SEMA6C: variants seen among roughly 807,000 people sequenced by gnomAD.
The protein encoded by SEMA6C is semaphorin 6C.
In SEMA6C, 37 loss-of-function variants were observed where a neutral mutation model predicts 72.9. The observed-to-expected ratio is 0.51, with a 90% CI of 0.39 to 0.67. The LOEUF is 0.67. SEMA6C is among the 30% of genes least tolerant of loss of function. The pLI is 0.00. For missense variants in SEMA6C, 1,189 were observed against 1,263.6 expected (o/e 0.94, Z 0.89); for synonymous variants, 578 against 554.1 (o/e 1.04, Z -0.61).
rs781715519 is a variant in SEMA6C, at chr1:151,140,020, A to G, written c.189T>C (p.Phe63=). 1.7e-5 allele frequency: 28 copies of G among 1,614,184 alleles called. No homozygotes were observed. The highest frequency in any genetic ancestry group is 2.3e-5 in the Non-Finnish European group (27 of 1,180,048). ...TCCGGTTCAAGGTCAGGAATCTCTG[A>G]AAGTCCAGCCCAAGTTCTGCAGCCA... ...DAVAAELGLD[F]QRFLTLNRTL... Residue 63 remains phenylalanine (F), a synonymous_variant, in exon 4 of 19, where the codon TTT becomes TTC. Coordinates refer to ENST00000368914, the MANE Select transcript of SEMA6C (RefSeq NM_030913.6).
intron 6 of SEMA6C, 64 bp downstream of exon 6, chr1:151,139,361 T>G: frequency 7.1e-7 from 1 of 1,399,860 alleles, no homozygotes; most frequent in Admixed American, 1.7e-5. Context: ...AGAGGACCAG[T>G]TGGACAGAGA....
At chr1:151,143,886 TA>T (rs1682751366) in intron 2 of SEMA6C, among the ~76,000 whole-genome samples, 1 of 152,136 alleles carries the variant, frequency 6.6e-6, no homozygotes, top group South Asian at 2.1e-4. Flanking sequence ...CCGTGTCCCC[TA>T]AAACAGACCC....
intron 12 of SEMA6C, 100 bp downstream of exon 12, chr1:151,136,348 A>G (rs1049691097): frequency 2.0e-6 from 3 of 1,527,500 alleles, no homozygotes; most frequent in Non-Finnish European, 2.7e-6. Context: ...ATAGCTCCCC[A>G]CCCTGAGGCC....
chr1:151,132,219 G>A lies in SEMA6C; in HGVS notation c.*265C>T, dbSNP rs1681588720. 2 of 1,496,478 alleles carry A rather than the reference G, an allele frequency of 1.3e-6. No individual in the cohort carries two copies. The highest frequency in any genetic ancestry group is 2.6e-5 in the East Asian group (1 of 37,880). The allele number at this position is 1,496,478 out of a possible 1,614,324, so 92.7% of individuals were successfully genotyped here. ...GAGTTAAGGCAGCTTGGCTGGAAGG[G>A]AGCGGGGAGTGGGAGTCCGCCAGCT... On this transcript the variant is annotated 3_prime_UTR_variant, in exon 19 of 19. Coordinates refer to ENST00000368914, the MANE Select transcript of SEMA6C (RefSeq NM_030913.6).
rs146782110 is a variant in SEMA6C, at chr1:151,134,664, T to G, written c.1670A>C (p.Asp557Ala). 532 of 1,614,144 alleles carry G rather than the reference T, an allele frequency of 3.3e-4. 2 individuals are homozygous for G. In the East Asian group the frequency reaches 9.0e-3, roughly 27 times the overall value. Residue 557 changes from aspartate to alanine, a missense_variant, in exon 17 of 19, where the codon GAT (aspartate) becomes GCT (alanine). Asp to Ala is a moderately radical substitution (Grantham distance 126). Transcript: ENST00000368914. ...CATGGATTCCTGGTTCCCAGCCTGA[T>G]CCACATCAGTCCTAGGAGGAAAACG... is the stretch of plus-strand genomic sequence containing the variant. ...DIRGSGGTDV[D>A]QAGNQESMEH... is the part of the protein sequence containing the mutation.
Position 151,137,035 on chromosome 1 carries a change from T to C in SEMA6C, c.796A>G (p.Met266Val), listed in dbSNP as rs587684088. 4 of 1,613,932 alleles carry C rather than the reference T, an allele frequency of 2.5e-6. No individual in the cohort carries two copies. The highest frequency in any genetic ancestry group is 1.3e-5 in the African/African-American group (1 of 75,028). The change falls in exon 11 of 19, where the codon ATG becomes GTG. Residue 266 changes from methionine to valine, a missense_variant. This residue lies in a region of SEMA6C where 468 missense variants were observed against 577.4 expected (regional missense o/e 0.81). Transcript: ENST00000368914. Reference sequence around the variant, plus strand: ...TCCAAGGCCCGAGGCGAGCCGCCCATGTCACGTTTACATACTCGGGCTACG... The same window carrying C: ...TCCAAGGCCCGAGGCGAGCCGCCCACGTCACGTTTACATACTCGGGCTACG... ...SRVARVCKRD[M>V]GGSPRALDRH...
intron 6 of SEMA6C, 93 bp from the exon 7 acceptor site, chr1:151,138,824 G>T: frequency 1.0e-6 from 1 of 999,094 alleles, no homozygotes. Flanking sequence ...CGGGCGTGGT[G>T]GCTCACGCCT....
In SEMA6C at chr1:151,132,859, G is replaced by A; in HGVS notation, c.2418C>T (p.Gly806=). The A allele has an allele frequency of 7.8e-7, 1 of 1,279,742 alleles. No homozygotes were observed. Among genetic ancestry groups the A allele is most frequent in the Non-Finnish European group, 9.9e-7 (1 of 1,013,712 alleles). The allele number at this position is 1,279,742 out of a possible 1,614,324, so 79.3% of individuals were successfully genotyped here. ...PPEPAPALLG[G]PSPRPHECAS... is the part of the protein sequence containing the mutation. ...CGCACTCGTGGGGCCTGGGGCTGGG[G>A]CCGCCCAAGAGGGCGGGGGCGGGCT... Residue 806 remains glycine (G), a synonymous_variant, in exon 19 of 19, where the codon GGC becomes GGT. Transcript: ENST00000368914.
At position 151,136,633 on chromosome 1, in the gene SEMA6C, C is replaced by A. The variant is rs1038930827; in HGVS notation, c.975-54G>T. On this transcript the variant is annotated intron_variant, in intron 11 of 18. Coordinates refer to ENST00000368914, the MANE Select transcript of SEMA6C (RefSeq NM_030913.6). The stretch of plus-strand genomic sequence containing the variant: ...GGTGCTGAAAGGAACTGCACAACTT[C>A]CCCCAGGAAGAAGTGGTGGCACCCT... The A allele has an allele frequency of 8.1e-6, 13 of 1,604,514 alleles. No homozygotes were observed. In the African/African-American group the frequency reaches 1.5e-4, roughly 18 times the overall value.
rs1368159117 is a variant in SEMA6C at position 151,137,401 on chromosome 1, G to A, written c.756+310C>T. ...GCGGAGCTTGCAGTGAGCCAAGATG[G>A]CGCCACTGCACTCCAGCCTGGGCGA... is the stretch of plus-strand genomic sequence containing the variant. On this transcript the variant is annotated intron_variant, in intron 10 of 18. Transcript: ENST00000368914. 1.6e-4 allele frequency among the ~76,000 whole-genome samples: 22 copies of A among 141,258 alleles called. No homozygotes were observed. The Admixed American group carries it at 1.7e-3, about 11-fold the overall frequency. 92.7% of individuals were successfully genotyped at this position (141,258 alleles called of 152,430 possible).
At position 151,138,647 on chromosome 1, in the gene SEMA6C, C is replaced by G. The variant is rs746604720; in HGVS notation, c.439G>C (p.Val147Leu). 1 of 1,614,114 alleles carries G rather than the reference C, an allele frequency of 6.2e-7. No homozygotes were observed. The highest frequency in any genetic ancestry group is 2.2e-5 in the East Asian group (1 of 44,880). Reference protein sequence around the residue: ...LACGTNSFSPVCRSYGITSLQ... With the variant: ...LACGTNSFSPLCRSYGITSLQ... ...TTTTGTACCCCATAGCTGCGGCACACAGGGCTGAATGAGTTCGTTCCACAG... is the reference window on the plus strand; with the variant it reads ...TTTTGTACCCCATAGCTGCGGCACAGAGGGCTGAATGAGTTCGTTCCACAG... The change falls in exon 7 of 19, where the codon GTG becomes CTG. Residue 147 changes from valine to leucine, a missense_variant. Val to Leu is a conservative substitution (Grantham distance 32). Coordinates refer to ENST00000368914, the MANE Select transcript of SEMA6C (RefSeq NM_030913.6).
At position 151,132,927 on chromosome 1, in the gene SEMA6C, C is replaced by T; in HGVS notation, c.2350G>A (p.Ala784Thr). 2.9e-6 allele frequency: 4 copies of T among 1,393,200 alleles called. No homozygotes were observed. Among genetic ancestry groups the T allele is most frequent in the Non-Finnish European group, 3.7e-6 (4 of 1,072,568 alleles). The allele number at this position is 1,393,200 out of a possible 1,614,324, so 86.3% of individuals were successfully genotyped here. Residue 784 changes from alanine to threonine, a missense_variant, in exon 19 of 19, where the codon GCC becomes ACC. By Grantham distance (58) the Ala-to-Thr change is moderately conservative (BLOSUM62 0). Coordinates refer to ENST00000368914, the MANE Select transcript of SEMA6C (RefSeq NM_030913.6). ...LHGPQPPRKGAEPPAPLTSRA... is the reference protein window; with the variant it reads ...LHGPQPPRKGTEPPAPLTSRA... ...GAGGTTAAAGGGGCGGGGGGCTCGGCCCCCTTTCTGGGCGGCTGCGGGCCG... is the reference window on the plus strand; with the variant it reads ...GAGGTTAAAGGGGCGGGGGGCTCGGTCCCCTTTCTGGGCGGCTGCGGGCCG...
chr1:151,139,509 T>A lies in SEMA6C; in HGVS notation c.298-28A>T, dbSNP rs772138905. ...GAAGGGATAAGTTGAAGAGGGAAAA[T>A]CATGGGCAACTGGGTTCCCTCCTCA... On this transcript the variant is annotated intron_variant, in intron 5 of 18. Transcript: ENST00000368914. The A allele has an allele frequency of 5.0e-6, 8 of 1,610,822 alleles. No homozygotes were observed. The South Asian group carries it at 8.8e-5, about 18-fold the overall frequency.
Position 151,145,220 on chromosome 1 carries a change from T to C in SEMA6C, c.-104-786A>G, listed in dbSNP as rs1682845855. On this transcript the variant is annotated intron_variant, in intron 1 of 18. Transcript: ENST00000368914. The surrounding 1 kb of genome is among the most constrained non-coding windows in gnomAD (Gnocchi z 4.4). The stretch of plus-strand genomic sequence containing the variant: ...GTTGCTGGGAAGAGGAAACAGCCCT[T>C]CTCTCTCCTGGCCCCGAAGCCACCT... 1 of 152,262 alleles carries C rather than the reference T, an allele frequency of 6.6e-6. No homozygotes were observed. Among genetic ancestry groups the C allele is most frequent in the Non-Finnish European group, 1.5e-5 (1 of 68,144 alleles). 9.4% of individuals were successfully genotyped at this position (152,262 alleles called of 1,614,324 possible).
chr1:151,139,604 C>G, intron 5 of SEMA6C, 34 bp downstream of exon 5: 1 of 1,607,082 alleles, frequency 6.2e-7, no homozygotes, highest in Non-Finnish European at 8.5e-7. Context: ...AGCCTCATCT[C>G]CACGTCTGCA....
chr1:151,132,922 C>G lies in SEMA6C; in HGVS notation c.2355G>C (p.Glu785Asp). ...CCCGCGAGGTTAAAGGGGCGGGGGG[C>G]TCGGCCCCCTTTCTGGGCGGCTGCG... ...HGPQPPRKGA[E>D]PPAPLTSRAL... is the part of the protein sequence containing the mutation. Residue 785 changes from glutamate (E) to aspartate (D), a missense_variant, in exon 19 of 19, where the codon GAG (glutamate) becomes GAC (aspartate). This residue lies in a region of SEMA6C where 721 missense variants were observed against 686.2 expected (regional missense o/e 1.05). Transcript: ENST00000368914. 1 of 1,388,904 alleles carries G rather than the reference C, an allele frequency of 7.2e-7. No individual in the cohort carries two copies. The highest frequency in any genetic ancestry group is 9.3e-7 in the Non-Finnish European group (1 of 1,070,638). The allele number at this position is 1,388,904 out of a possible 1,614,324, so 86.0% of individuals were successfully genotyped here. A position where few individuals can be genotyped will look rare whatever the true frequency, so the allele number is the denominator to read the frequency against.
intron 2 of SEMA6C, among the ~76,000 whole-genome samples, chr1:151,143,878 G>A (rs1231710293): frequency 1.3e-5 from 2 of 151,980 alleles, no homozygotes; most frequent in Non-Finnish European, 2.9e-5. Flanking sequence ...CCATCCCACC[G>A]TGTCCCCTAA....
At chr1:151,141,702 G>A (rs1266901118) in intron 3 of SEMA6C, among the ~76,000 whole-genome samples, 2 of 144,766 alleles carry the variant, frequency 1.4e-5, no homozygotes, top group Admixed American at 7.1e-5. Context: ...TAAAGCCACC[G>A]TGCCCAGCTG....
At position 151,132,972 on chromosome 1, in the gene SEMA6C, C is replaced by T; in HGVS notation, c.2305G>A (p.Glu769Lys). The part of the protein sequence containing the change: ...GQAVEVTTLE[E>K]LLRYLHGPQP... ...GGGCCGTGCAGGTAGCGCAGCAGTT[C>T]CTCCAGGGTGGTGACTTCCACGGCC... The change falls in exon 19 of 19, where the codon GAA becomes AAA. Residue 769 changes from glutamate (E) to lysine (K), a missense_variant. By Grantham distance (56) the Glu-to-Lys change is moderately conservative. Transcript: ENST00000368914. 1 of 1,413,984 alleles carries T rather than the reference C, an allele frequency of 7.1e-7. No individual in the cohort carries two copies. Among genetic ancestry groups the T allele is most frequent in the Non-Finnish European group, 9.3e-7 (1 of 1,080,178 alleles). 87.6% of individuals were successfully genotyped at this position (1,413,984 alleles called of 1,614,324 possible).
Sources: allele counts gnomAD v4.1 joint callset (sites outside exome capture counted in the v4.1 genomes callset), GRCh38; gene constraint gnomAD v4.1.1; regional missense constraint gnomAD v4.1.1; non-coding constraint Gnocchi (gnomAD v3.1); transcripts MANE v1.5; gene names NCBI Gene and HGNC (gene_info 2026-07-23, HGNC 2026-07-21).